JARID2: variants seen among roughly 807,000 people sequenced by gnomAD.
The protein encoded by JARID2 is jumonji and AT-rich interaction domain containing 2, also known as protein Jumonji.
In JARID2, 21 loss-of-function variants were observed where a neutral mutation model predicts 125.6. The ratio of observed to expected loss-of-function variants is 0.17; its 90% confidence interval spans 0.12 to 0.24. JARID2 has a LOEUF of 0.24. Among genes scored for constraint, JARID2 ranks in the 10% least tolerant of loss-of-function variants. The pLI is 1.00. For synonymous variants in JARID2, 736 were observed against 661.6 expected (o/e 1.11, Z -1.73); for missense variants, 1,303 against 1,639.6 (o/e 0.79, Z 3.55).
intron 5 of JARID2, among the ~76,000 whole-genome samples, chr6:15,474,847 C>T (rs1331478779): frequency 6.6e-6 from 1 of 152,194 alleles, no homozygotes; most frequent in Non-Finnish European, 1.5e-5. Flanking sequence ...TCTTCAACCC[C>T]ATTTACATTG....
At chr6:15,349,037 A>C (rs1320630565) in intron 1 of JARID2, among the ~76,000 whole-genome samples, 1 of 152,204 alleles carries the variant, frequency 6.6e-6, no homozygotes, top group Non-Finnish European at 1.5e-5. Flanking sequence ...AGGAAGGGAA[A>C]AATGTTTTCA....
chr6:15,491,490 C>A (rs1378989375), intron 6 of JARID2, among the ~76,000 whole-genome samples: 1 of 152,194 alleles, frequency 6.6e-6, no homozygotes, highest in African/African-American at 2.4e-5. Flanking sequence ...AATGGACTAC[C>A]CCCAGCCACC....
At chr6:15,515,516 G>A (rs1489224678) in intron 16 of JARID2, among the ~76,000 whole-genome samples, 2 of 152,126 alleles carry the variant, frequency 1.3e-5, no homozygotes, top group African/African-American at 2.4e-5. Context: ...TTGTGAGGCC[G>A]GGCATGGTAG....
chr6:15,444,321 AT>A (rs963274940), intron 3 of JARID2, among the ~76,000 whole-genome samples: 14 of 152,182 alleles, frequency 9.2e-5, no homozygotes, highest in African/African-American at 3.4e-4. Context: ...AGAGTTTGCT[AT>A]GAATTGGTCT....
chr6:15,346,099 G>A (rs752005469), intron 1 of JARID2, among the ~76,000 whole-genome samples: 57 of 152,212 alleles, frequency 3.7e-4, no homozygotes, highest in African/African-American at 1.3e-3. Context: ...TGGACGCTTA[G>A]AGGTTCAGGG....
chr6:15,359,916 ACCTCAGGTGATCTATCTT>A (rs1763733654), intron 1 of JARID2, among the ~76,000 whole-genome samples: 1 of 150,248 alleles, frequency 6.7e-6, no homozygotes. Context: ...TGAACCCCTG[ACCTCAGGTGATCTATCTT>A]CCTCGGCCTT....
At chr6:15,355,046 A>G (rs1042728468) in intron 1 of JARID2, among the ~76,000 whole-genome samples, 1 of 152,188 alleles carries the variant, frequency 6.6e-6, no homozygotes, top group African/African-American at 2.4e-5. Flanking sequence ...GCACTATATG[A>G]ACCCTCCCTC....
intron 1 of JARID2, among the ~76,000 whole-genome samples, chr6:15,351,566 A>G (rs1763429501): frequency 6.6e-6 from 1 of 152,152 alleles, no homozygotes; most frequent in Non-Finnish European, 1.5e-5. Context: ...GTGCATGTGT[A>G]GCGTCTGATG....
At chr6:15,322,178 A>T (rs1346112823) in intron 1 of JARID2, among the ~76,000 whole-genome samples, 1 of 152,226 alleles carries the variant, frequency 6.6e-6, no homozygotes, top group Non-Finnish European at 1.5e-5. Flanking sequence ...ACATAATTGT[A>T]ATTTCAAATA....
intron 8 of JARID2, among the ~76,000 whole-genome samples, chr6:15,502,797 C>T (rs1193097677): frequency 6.6e-6 from 1 of 152,192 alleles, no homozygotes; most frequent in East Asian, 1.9e-4. Context: ...TCCCATTGCC[C>T]AAGGCTGCCT....
At chr6:15,514,215 C>T (rs1487042382) in intron 16 of JARID2, among the ~76,000 whole-genome samples, 1 of 152,218 alleles carries the variant, frequency 6.6e-6, no homozygotes, top group South Asian at 2.1e-4. Context: ...TGACCTCTCA[C>T]CAGAGAGCTG....
chr6:15,394,338 G>T (rs1442833784), intron 2 of JARID2, among the ~76,000 whole-genome samples: 13 of 152,204 alleles, frequency 8.5e-5, no homozygotes, highest in African/African-American at 3.1e-4. Flanking sequence ...CAAGGCGAAT[G>T]CAGTGGCTCA....
intron 1 of JARID2, among the ~76,000 whole-genome samples, chr6:15,272,429 C>T (rs773525609): frequency 1.6e-4 from 24 of 152,270 alleles, no homozygotes; most frequent in Non-Finnish European, 2.8e-4. Flanking sequence ...ACCTTGAAAG[C>T]TTATATAGTT....
chr6:15,342,333 T>C (rs555503586), intron 1 of JARID2, among the ~76,000 whole-genome samples: 30 of 152,300 alleles, frequency 2.0e-4, no homozygotes, highest in African/African-American at 6.7e-4. Flanking sequence ...CCCCACCCAT[T>C]GTGCCCATTT....
chr6:15,304,313 C>G (rs1016032934), intron 1 of JARID2, among the ~76,000 whole-genome samples: 1 of 80,244 alleles, frequency 1.2e-5, no homozygotes, highest in African/African-American at 4.4e-5. Context: ...TCCCCCCCCC[C>G]CCCCCGCCCA....
intron 3 of JARID2, among the ~76,000 whole-genome samples, chr6:15,425,837 C>T (rs966314915): frequency 6.6e-6 from 1 of 152,178 alleles, no homozygotes; most frequent in Non-Finnish European, 1.5e-5. Context: ...AGCAGAGTGA[C>T]TAGGGAAATT....
chr6:15,360,766 G>A (rs1163216226), intron 1 of JARID2, among the ~76,000 whole-genome samples: 1 of 152,020 alleles, frequency 6.6e-6, no homozygotes, highest in African/African-American at 2.4e-5. Context: ...TAGCCTCCCA[G>A]TGTGTGAGAA....
At chr6:15,491,111 G>T (rs1188214950) in intron 6 of JARID2, among the ~76,000 whole-genome samples, 1 of 152,220 alleles carries the variant, frequency 6.6e-6, no homozygotes, top group African/African-American at 2.4e-5. Flanking sequence ...TAAAGTTCTG[G>T]AAAATACGGC....
intron 5 of JARID2, 136 bp from the exon 6 acceptor site, chr6:15,487,171 C>A: frequency 1.4e-6 from 1 of 711,388 alleles, no homozygotes; most frequent in Non-Finnish European, 2.4e-6. Flanking sequence ...CACCTCCCAC[C>A]AGTTCCCTCG....
Sources: gnomAD v4.1 joint callset for allele counts (sites outside exome capture counted in the v4.1 genomes callset) on GRCh38, gnomAD v4.1.1 for gene constraint, MANE v1.5 for transcripts, NCBI Gene and HGNC (gene_info 2026-07-23, HGNC 2026-07-21) for gene names.